Variants in SLCO6A1 observed in about 807,000 individuals in gnomAD.
SLCO6A1 encodes solute carrier organic anion transporter family member 6A1.
SLCO6A1 carries 65 observed loss-of-function variants against 72.7 expected under a neutral mutation model. The observed-to-expected ratio is 0.89, with a 90% CI of 0.73 to 1.10. SLCO6A1 has a LOEUF of 1.10. Ranked by LOEUF, SLCO6A1 falls within the 50% of genes least tolerant of loss-of-function variation. The probability of loss-of-function intolerance (pLI) is 0.00; values close to 1 mark genes in which losing one functional copy is unlikely to be tolerated. For missense variants in SLCO6A1, 874 were observed against 872.6 expected (o/e 1.00, Z -0.02); for synonymous variants, 314 against 298.2 (o/e 1.05, Z -0.55).
intron 1 of SLCO6A1, among the ~76,000 whole-genome samples, chr5:102,489,353 G>T (rs1385195820): frequency 6.6e-6 from 1 of 152,180 alleles, no homozygotes; most frequent in South Asian, 2.1e-4. Context: ...GGGATTTCCA[G>T]AAATTTAAAT....
At position 102,478,920 on chromosome 5, in the gene SLCO6A1, G is replaced by T. The variant is rs139383518; in HGVS notation, c.617-1059C>A. 1.2e-3 allele frequency among the ~76,000 whole-genome samples: 188 copies of T among 152,274 alleles called. 1 individual carries two copies. Among genetic ancestry groups the T allele is most frequent in the Middle Eastern group, 3.4e-3 (1 of 294 alleles). On this transcript the variant is annotated intron_variant, in intron 2 of 13. Transcript: ENST00000506729. Reference sequence around the variant, plus strand: ...TACAACTGTCATTCAAATGCCAAAGGTTCAATTTTATACAGACATATTAAC... The same window carrying T: ...TACAACTGTCATTCAAATGCCAAAGTTTCAATTTTATACAGACATATTAAC...
Position 102,494,748 on chromosome 5 carries a change from T to C in SLCO6A1, c.358+3739A>G, listed in dbSNP as rs143318179. Among the ~76,000 whole-genome samples the C allele has an allele frequency of 4.1e-3, 626 of 152,242 alleles. 10 individuals carry two copies. Among genetic ancestry groups the C allele is most frequent in the African/African-American group, 0.014 (601 of 41,540 alleles). ...TAGCTAAAATTTTAAGAACTGACAA[T>C]ACCAACTATTAATAAGAATGTGGAA... On this transcript the variant is annotated intron_variant, in intron 1 of 13. Transcript: ENST00000506729.
In SLCO6A1 at chr5:102,399,605, T is replaced by C. The variant is rs1188446365; in HGVS notation, c.1764A>G (p.Thr588=). 2 of 1,601,732 alleles carry C rather than the reference T, an allele frequency of 1.2e-6. No homozygotes were observed. The highest frequency in any genetic ancestry group is 1.1e-5 in the South Asian group (1 of 88,688). ...CACCAGAAAAACCAGAAAATATAAG[T>C]GTAGAAAAGATAAAAGCAATGAACA... The part of the protein sequence containing the change: ...LPLFIAFIFS[T]LIFSGFSGVP... The change falls in exon 10 of 14, where the codon ACA becomes ACG. Residue 588 remains threonine, a synonymous_variant. Coordinates refer to ENST00000506729, the MANE Select transcript of SLCO6A1 (RefSeq NM_173488.5).
At chr5:102,402,073 T>C (rs7731256) in intron 9 of SLCO6A1, among the ~76,000 whole-genome samples, 97,070 of 151,858 alleles carry the variant, frequency 0.64, 31,218 homozygotes, top group African/African-American at 0.66. Context: ...AGTCCATGTA[T>C]TAGAGAAAGT....
chr5:102,417,322 T>C (rs1348508081), intron 8 of SLCO6A1, among the ~76,000 whole-genome samples: 3 of 152,084 alleles, frequency 2.0e-5, no homozygotes, highest in Non-Finnish European at 4.4e-5. Context: ...ACTGAGATGT[T>C]CAGCTATGTA....
At chr5:102,484,659 G>A (rs932143787) in intron 1 of SLCO6A1, among the ~76,000 whole-genome samples, 1 of 151,534 alleles carries the variant, frequency 6.6e-6, no homozygotes, top group African/African-American at 2.4e-5. Flanking sequence ...AAAAAAAAAA[G>A]GTCATATTAT....
At chr5:102,389,811 A>G (rs1746647298) in intron 11 of SLCO6A1, among the ~76,000 whole-genome samples, 1 of 151,516 alleles carries the variant, frequency 6.6e-6, no homozygotes, top group African/African-American at 2.4e-5. Flanking sequence ...GTTAGACTTC[A>G]GCAAAAGCCT....
At chr5:102,448,829 C>T (rs115012448) in intron 6 of SLCO6A1, among the ~76,000 whole-genome samples, 4,287 of 152,094 alleles carry the variant, frequency 0.028, 167 homozygotes, top group African/African-American at 0.086. Flanking sequence ...TCCGACTCGA[C>T]GGTCTGTGCC....
intron 7 of SLCO6A1, among the ~76,000 whole-genome samples, chr5:102,435,188 C>T (rs1364535392): frequency 1.3e-5 from 2 of 152,014 alleles, no homozygotes; most frequent in African/African-American, 4.8e-5. Flanking sequence ...AAATAAAATT[C>T]CTGTGTGAAA....
At chr5:102,488,442 A>G (rs977421679) in intron 1 of SLCO6A1, among the ~76,000 whole-genome samples, 2 of 152,246 alleles carry the variant, frequency 1.3e-5, no homozygotes, top group African/African-American at 4.8e-5. Context: ...GTTAAGATAC[A>G]CTTGAACAAC....
At chr5:102,431,707 G>C (rs1394213596) in intron 7 of SLCO6A1, among the ~76,000 whole-genome samples, 1 of 152,160 alleles carries the variant, frequency 6.6e-6, no homozygotes, top group Non-Finnish European at 1.5e-5. Context: ...TGTATATTCT[G>C]TTGTTTTTTT....
chr5:102,442,088 T>C (rs1409820067), intron 6 of SLCO6A1, among the ~76,000 whole-genome samples: 1 of 152,192 alleles, frequency 6.6e-6, no homozygotes, highest in Non-Finnish European at 1.5e-5. Flanking sequence ...AATATTGGTC[T>C]GTACTAGCTG....
intron 6 of SLCO6A1, among the ~76,000 whole-genome samples, chr5:102,452,613 T>C (rs1240994055): frequency 6.6e-6 from 1 of 152,196 alleles, no homozygotes; most frequent in African/African-American, 2.4e-5. Context: ...ATTACTGACA[T>C]TTTCATAAAC....
chr5:102,496,195 T>C (rs1049683737), intron 1 of SLCO6A1, among the ~76,000 whole-genome samples: 7 of 152,138 alleles, frequency 4.6e-5, no homozygotes, highest in African/African-American at 1.2e-4. Context: ...AAACTGGGCA[T>C]GTATAGGGAA....
chr5:102,386,521 G>T (rs1447617704), intron 12 of SLCO6A1, among the ~76,000 whole-genome samples: 1 of 152,078 alleles, frequency 6.6e-6, no homozygotes, highest in Non-Finnish European at 1.5e-5. Context: ...CTGGAGCCTG[G>T]GAATACAGGG....
intron 6 of SLCO6A1, among the ~76,000 whole-genome samples, chr5:102,448,871 C>G (rs2112716939): frequency 6.6e-6 from 1 of 152,138 alleles, no homozygotes; most frequent in East Asian, 1.9e-4. Context: ...CATTTCTGTT[C>G]AAGGTTAATA....
At chr5:102,421,490 T>C (rs865935940) in intron 7 of SLCO6A1, among the ~76,000 whole-genome samples, 1 of 152,210 alleles carries the variant, frequency 6.6e-6, no homozygotes, top group Middle Eastern at 3.4e-3. Context: ...CCTCACAGTG[T>C]AAACAAAGCC....
chr5:102,481,726 T>C (rs1302773783), intron 1 of SLCO6A1, among the ~76,000 whole-genome samples: 1 of 152,196 alleles, frequency 6.6e-6, no homozygotes, highest in Non-Finnish European at 1.5e-5. Flanking sequence ...CAATTATCAT[T>C]TTACAGAAAT....
At chr5:102,489,726 C>T (rs375835012) in intron 1 of SLCO6A1, among the ~76,000 whole-genome samples, 12 of 152,020 alleles carry the variant, frequency 7.9e-5, no homozygotes, top group Admixed American at 1.3e-4. Context: ...CCAAATGATC[C>T]GGCAATTCTG....
Sources: allele counts gnomAD v4.1 joint callset (sites outside exome capture counted in the v4.1 genomes callset), GRCh38; gene constraint gnomAD v4.1.1; transcripts MANE v1.5; gene names NCBI Gene and HGNC (gene_info 2026-07-23, HGNC 2026-07-21).